Variants in OXR1 observed in about 807,000 individuals in gnomAD.
OXR1 encodes oxidation resistance 1.
In OXR1, 41 loss-of-function variants were observed where a neutral mutation model predicts 104.6. The observed-to-expected ratio is 0.39, with a 90% CI of 0.31 to 0.51. The LOEUF (loss-of-function observed/expected upper bound fraction) is 0.51. Ranked by LOEUF, OXR1 falls within the 20% of genes least tolerant of loss-of-function variation. The pLI is 0.77. For missense variants in OXR1, 955 were observed against 1,031.9 expected (o/e 0.93, Z 1.02); for synonymous variants, 348 against 348.4 (o/e 1.00, Z 0.01).
chr8:106,740,764 A>T (rs193149246), intron 14 of OXR1, among the ~76,000 whole-genome samples: 1 of 152,160 alleles, frequency 6.6e-6, no homozygotes, highest in African/African-American at 2.4e-5. Flanking sequence ...GGAAAATGGT[A>T]GGTTTCTTAG....
intron 2 of OXR1, among the ~76,000 whole-genome samples, chr8:106,459,377 A>G (rs1820783481): frequency 6.6e-6 from 1 of 151,994 alleles, no homozygotes. Context: ...AGGCCCTCAT[A>G]AGATGCTGGC....
At chr8:106,346,087 C>T (rs2130288839) in intron 1 of OXR1, among the ~76,000 whole-genome samples, 1 of 141,910 alleles carries the variant, frequency 7.0e-6, no homozygotes, top group South Asian at 2.3e-4. Context: ...GGGGTTGCAG[C>T]AGTTTATTCC....
chr8:106,441,826 T>A (rs1367644519), intron 2 of OXR1, among the ~76,000 whole-genome samples: 1 of 152,186 alleles, frequency 6.6e-6, no homozygotes, highest in Non-Finnish European at 1.5e-5. Context: ...GGTGAGATGA[T>A]GGGGTTTTCA....
At chr8:106,483,431 A>G (rs1002820977) in intron 2 of OXR1, among the ~76,000 whole-genome samples, 3 of 151,882 alleles carry the variant, frequency 2.0e-5, no homozygotes, top group African/African-American at 7.3e-5. Context: ...GCTCGGTGGC[A>G]TGTACCTGTA....
chr8:106,731,863 C>A (rs1833921608), intron 11 of OXR1, among the ~76,000 whole-genome samples: 1 of 152,076 alleles, frequency 6.6e-6, no homozygotes, highest in African/African-American at 2.4e-5. Flanking sequence ...TCATTGCTAT[C>A]TTGGCTATTC....
chr8:106,469,149 A>C (rs1266148851), intron 2 of OXR1, among the ~76,000 whole-genome samples: 2 of 151,484 alleles, frequency 1.3e-5, no homozygotes, highest in Non-Finnish European at 3.0e-5. Flanking sequence ...ACAGAAAGCT[A>C]TCAGGAACCA....
chr8:106,437,796 C>A (rs1819637462), intron 2 of OXR1, among the ~76,000 whole-genome samples: 1 of 152,074 alleles, frequency 6.6e-6, no homozygotes, highest in African/African-American at 2.4e-5. Context: ...TTCACTCAGA[C>A]AAAATGAATT....
intron 3 of OXR1, among the ~76,000 whole-genome samples, chr8:106,519,620 C>A (rs1009428922): frequency 6.6e-6 from 1 of 152,106 alleles, no homozygotes; most frequent in South Asian, 2.1e-4. Context: ...AAGAAAGTAA[C>A]GTTATTACAT....
At chr8:106,678,022 A>G (rs775880217) in intron 3 of OXR1, among the ~76,000 whole-genome samples, 5 of 152,050 alleles carry the variant, frequency 3.3e-5, no homozygotes, top group Non-Finnish European at 7.4e-5. Flanking sequence ...AAGGGATTTA[A>G]ACCCAAATAT....
chr8:106,603,410 A>G (rs919898705), intron 3 of OXR1, among the ~76,000 whole-genome samples: 1 of 152,108 alleles, frequency 6.6e-6, no homozygotes, highest in Non-Finnish European at 1.5e-5. Context: ...AGTCAGTAAC[A>G]TTTTTCATCT....
chr8:106,708,007 C>A (rs1831310989), intron 9 of OXR1, among the ~76,000 whole-genome samples: 1 of 152,082 alleles, frequency 6.6e-6, no homozygotes, highest in Non-Finnish European at 1.5e-5. Flanking sequence ...AATGCAGTGG[C>A]ATTAGTACAT....
At chr8:106,427,323 C>G (rs963608566) in intron 2 of OXR1, among the ~76,000 whole-genome samples, 1 of 151,990 alleles carries the variant, frequency 6.6e-6, no homozygotes, top group African/African-American at 2.4e-5. Context: ...ACCACCACCA[C>G]GTCCGGCAAA....
chr8:106,728,232 A>AT, intron 11 of OXR1, among the ~76,000 whole-genome samples: 1 of 152,008 alleles, frequency 6.6e-6, no homozygotes, highest in East Asian at 1.9e-4. Context: ...AAAAAAAAAA[A>AT]AAAAAAAAAT....
intron 10 of OXR1, among the ~76,000 whole-genome samples, chr8:106,713,326 A>T (rs1413055337): frequency 6.6e-6 from 1 of 151,942 alleles, no homozygotes; most frequent in African/African-American, 2.4e-5. Context: ...GGGGAACCTG[A>T]GATTTCTAAG....
chr8:106,377,810 A>T (rs1394594711), intron 2 of OXR1, among the ~76,000 whole-genome samples: 4 of 152,144 alleles, frequency 2.6e-5, no homozygotes, highest in African/African-American at 9.7e-5. Context: ...TTAACCCTTA[A>T]TCAGTTACAT....
chr8:106,738,035 T>C (rs969143734), intron 12 of OXR1, among the ~76,000 whole-genome samples: 2 of 152,180 alleles, frequency 1.3e-5, no homozygotes, highest in African/African-American at 4.8e-5. Context: ...ATCAAATATC[T>C]CAATAGGATA....
intron 2 of OXR1, among the ~76,000 whole-genome samples, chr8:106,497,001 C>T (rs753124206): frequency 6.6e-6 from 1 of 152,100 alleles, no homozygotes; most frequent in Admixed American, 6.6e-5. Flanking sequence ...ATTTTTGCAC[C>T]ATTCTGGGCA....
chr8:106,402,750 T>A (rs1405602885), intron 2 of OXR1, among the ~76,000 whole-genome samples: 1 of 152,210 alleles, frequency 6.6e-6, no homozygotes, highest in Non-Finnish European at 1.5e-5. Context: ...TTTGAGAGTA[T>A]GCTGGAATCC....
intron 3 of OXR1, among the ~76,000 whole-genome samples, chr8:106,609,208 A>G (rs1360432492): frequency 6.6e-6 from 1 of 152,152 alleles, no homozygotes; most frequent in African/African-American, 2.4e-5. Flanking sequence ...CAGGAGTTTA[A>G]GACCAGCTTG....
Sources: allele counts gnomAD v4.1 joint callset (sites outside exome capture counted in the v4.1 genomes callset), GRCh38; gene constraint gnomAD v4.1.1; transcripts MANE v1.5; gene names NCBI Gene and HGNC (gene_info 2026-07-23, HGNC 2026-07-21).